Variants in CD9 observed in about 807,000 individuals in gnomAD.
The protein encoded by CD9 is CD9 molecule.
A neutral mutation model predicts 31.4 loss-of-function variants in CD9; 10 were observed. That is an observed-to-expected ratio of 0.32 (90% confidence interval 0.20 to 0.54). The LOEUF is 0.54. Ranked by LOEUF, CD9 falls within the 20% of genes least tolerant of loss-of-function variation. CD9 has a pLI of 0.94. For missense variants in CD9, 259 were observed against 300.1 expected (o/e 0.86, Z 1.01); for synonymous variants, 113 against 114.1 (o/e 0.99, Z 0.06).
chr12:6,235,386 G>A (rs762622717), intron 5 of CD9, 59 bp downstream of exon 5: 3 of 1,614,104 alleles, frequency 1.9e-6, no homozygotes, highest in Non-Finnish European at 2.5e-6. Context: ...TCTGCACACA[G>A]GGTGCTGACT....
intron 4 of CD9, 110 bp from the exon 5 acceptor site, chr12:6,235,119 G>T: frequency 1.2e-6 from 1 of 807,960 alleles, no homozygotes. Context: ...CCAAGCACAG[G>T]CATCTGGTGG....
rs1039511293 is a variant in CD9 at position 6,202,463 on chromosome 12, C to T, written c.66+1898C>T. The stretch of plus-strand genomic sequence containing the variant: ...CTCCCCTCCCAGGTACAGTCTCTCC[C>T]GGCTGGTGTGTTGGTTAGTCCTCAG... On this transcript the variant is annotated intron_variant, in intron 1 of 7. Coordinates refer to ENST00000009180, the MANE Select transcript of CD9 (RefSeq NM_001769.4). 4.6e-5 allele frequency among the ~76,000 whole-genome samples: 7 copies of T among 152,248 alleles called. No homozygotes were observed. In the East Asian group the frequency reaches 7.7e-4, roughly 17 times the overall value.
intron 1 of CD9, among the ~76,000 whole-genome samples, chr12:6,203,835 C>G (rs1411872648): frequency 6.6e-6 from 1 of 152,190 alleles, no homozygotes; most frequent in Non-Finnish European, 1.5e-5. Flanking sequence ...TGCCCTCTTT[C>G]TGGTCAGAGA....
chr12:6,233,788 C>T (rs1452179974), intron 4 of CD9, among the ~76,000 whole-genome samples: 4 of 151,830 alleles, frequency 2.6e-5, no homozygotes, highest in Admixed American at 2.6e-4. Context: ...AGCCCTTCCC[C>T]ACAACTTTTA....
intron 2 of CD9, among the ~76,000 whole-genome samples, chr12:6,227,302 G>A (rs1331985773): frequency 1.3e-5 from 2 of 151,910 alleles, no homozygotes; most frequent in Non-Finnish European, 2.9e-5. Context: ...AGGTTCAAGC[G>A]ATTCTCCTGC....
At chr12:6,203,367 G>A (rs1347688737) in intron 1 of CD9, among the ~76,000 whole-genome samples, 2 of 152,194 alleles carry the variant, frequency 1.3e-5, no homozygotes, top group Non-Finnish European at 2.9e-5. Flanking sequence ...TTTCTCTCTT[G>A]AGACCAGACA....
At chr12:6,211,617 A>AGAGTGTGT (rs1946195085) in intron 1 of CD9, among the ~76,000 whole-genome samples, 1 of 152,224 alleles carries the variant, frequency 6.6e-6, no homozygotes, top group Non-Finnish European at 1.5e-5. Context: ...TGTGTCAGCA[A>AGAGTGTGT]GAGTGTGTGC....
At chr12:6,235,894 C>G in intron 6 of CD9, 3 of 1,369,388 alleles carry the variant, frequency 2.2e-6, no homozygotes, top group Non-Finnish European at 2.8e-6. Context: ...GAGTTAATGT[C>G]CAACTCCAGA....
At chr12:6,209,336 A>G (rs1459638661) in intron 1 of CD9, among the ~76,000 whole-genome samples, 1 of 152,160 alleles carries the variant, frequency 6.6e-6, no homozygotes, top group Non-Finnish European at 1.5e-5. Context: ...GGGCAGTTGC[A>G]GTGTGTAGTG....
intron 1 of CD9, among the ~76,000 whole-genome samples, chr12:6,208,404 G>T (rs1466966465): frequency 1.3e-5 from 2 of 152,134 alleles, no homozygotes; most frequent in African/African-American, 4.8e-5. Context: ...AGTCTAAGCT[G>T]TGTGTTAGTC....
intron 1 of CD9, among the ~76,000 whole-genome samples, chr12:6,217,842 A>G (rs10849421): frequency 0.61 from 92,361 of 152,138 alleles, 29,638 homozygotes; most frequent in African/African-American, 0.82. Flanking sequence ...CATCCTCAGC[A>G]AGAAATCACT....
intron 1 of CD9, among the ~76,000 whole-genome samples, chr12:6,216,371 A>G (rs1257473974): frequency 6.6e-6 from 1 of 152,192 alleles, no homozygotes; most frequent in Admixed American, 6.5e-5. Context: ...ATGGACAACT[A>G]TGACTAATGC....
intron 2 of CD9, among the ~76,000 whole-genome samples, chr12:6,226,691 GTC>G (rs1414212859): frequency 1.3e-5 from 2 of 152,152 alleles, no homozygotes; most frequent in African/African-American, 4.8e-5. Context: ...TTTGGGGTGT[GTC>G]TCTCTATTAT....
rs1376146546 is a variant in CD9 at position 6,232,822 on chromosome 12, G to A, written c.273+93G>A. The A allele has an allele frequency of 2.3e-6, 2 of 871,216 alleles. No individual in the cohort carries two copies. The highest frequency in any genetic ancestry group is 4.0e-5 in the Admixed American group (2 of 49,600). The allele number at this position is 871,216 out of a possible 1,614,324, so 54.0% of individuals were successfully genotyped here. Reference sequence around the variant, plus strand: ...ACCCAGACCACAGAACAGATGGAGGGGGATGGGGTCAGGAAGGTACCCAAA... The same window carrying A: ...ACCCAGACCACAGAACAGATGGAGGAGGATGGGGTCAGGAAGGTACCCAAA... On this transcript the variant is annotated intron_variant, in intron 3 of 7. Transcript: ENST00000009180. The surrounding 1 kb of genome is among the most constrained non-coding windows in gnomAD (Gnocchi z 4.8).
intron 1 of CD9, among the ~76,000 whole-genome samples, chr12:6,204,281 C>G (rs1946106280): frequency 1.3e-5 from 2 of 152,186 alleles, no homozygotes; most frequent in Admixed American, 1.3e-4. Context: ...AAATAGGAAC[C>G]AATATTGGGT....
chr12:6,216,445 G>A (rs905041262), intron 1 of CD9, among the ~76,000 whole-genome samples: 14 of 152,116 alleles, frequency 9.2e-5, no homozygotes, highest in Non-Finnish European at 1.9e-4. Context: ...ATTGAAGGAG[G>A]GTGATAAAGA....
chr12:6,233,117 AGT>A, intron 3 of CD9: 1 of 697,516 alleles, frequency 1.4e-6, no homozygotes, highest in East Asian at 2.7e-5. Context: ...TGTGAACAAT[AGT>A]AGTTGCCTGC....
At chr12:6,217,542 A>G (rs1036320858) in intron 1 of CD9, among the ~76,000 whole-genome samples, 4 of 151,886 alleles carry the variant, frequency 2.6e-5, no homozygotes, top group Admixed American at 2.0e-4. Flanking sequence ...AAAAACAAGT[A>G]TTTTCCCAGA....
In CD9 at chr12:6,219,816, T is replaced by A. The variant is rs187329046; in HGVS notation, c.67-5610T>A. On this transcript the variant is annotated intron_variant, in intron 1 of 7. Transcript: ENST00000009180. ...TGGTTTCTGACTCTTGTGAGACATT[T>A]GAAGATGGATCTGGATAAAAGGCCT... is the stretch of plus-strand genomic sequence containing the variant. 7.0e-4 allele frequency among the ~76,000 whole-genome samples: 107 copies of A among 152,312 alleles called. 1 individual carries two copies. Among genetic ancestry groups the A allele is most frequent in the African/African-American group, 2.4e-3 (100 of 41,566 alleles).
Sources: allele counts gnomAD v4.1 joint callset (sites outside exome capture counted in the v4.1 genomes callset), GRCh38; gene constraint gnomAD v4.1.1; non-coding constraint Gnocchi (gnomAD v3.1); transcripts MANE v1.5; gene names NCBI Gene and HGNC (gene_info 2026-07-23, HGNC 2026-07-21).